The following MTCL3 variants were observed in gnomAD, a reference collection of about 807,000 sequenced individuals.
MTCL3 encodes MTCL family member 3.
chr6:127,516,796 A>T, the MTCL3 span: 15 of 1,056,008 alleles, frequency 1.4e-5, no homozygotes, highest in Non-Finnish European at 2.0e-5. Context: ...CGCTTAATAG[A>T]AGCTTTGACT....
At chr6:127,489,950 A>G in the MTCL3 span, among the ~76,000 whole-genome samples, 1 of 152,372 alleles carries the variant, frequency 6.6e-6, no homozygotes, top group East Asian at 1.9e-4. Context: ...ACAGCCTTCT[A>G]TTGGAAGAAG....
At chr6:127,479,567 C>T in the MTCL3 span, among the ~76,000 whole-genome samples, 2 of 152,132 alleles carry the variant, frequency 1.3e-5, no homozygotes, top group African/African-American at 2.4e-5. Flanking sequence ...AGCAGAATAA[C>T]ACTTCACTGG....
At chr6:127,509,822 C>A in the MTCL3 span, among the ~76,000 whole-genome samples, 1 of 152,308 alleles carries the variant, frequency 6.6e-6, no homozygotes, top group Non-Finnish European at 1.5e-5. Context: ...AATTGCAGCT[C>A]AGTTTTAATA....
At chr6:127,509,858 T>C in the MTCL3 span, among the ~76,000 whole-genome samples, 3 of 152,334 alleles carry the variant, frequency 2.0e-5, no homozygotes, top group East Asian at 5.8e-4. Flanking sequence ...CATCATAAAA[T>C]TACCATTGCA....
the MTCL3 span, among the ~76,000 whole-genome samples, chr6:127,514,404 G>A: frequency 1.3e-5 from 2 of 152,172 alleles, no homozygotes; most frequent in Non-Finnish European, 2.9e-5. Context: ...CCTATTTTGG[G>A]TTTCAACTCC....
the MTCL3 span, chr6:127,514,969 C>T: frequency 6.2e-7 from 1 of 1,614,176 alleles, no homozygotes; most frequent in Non-Finnish European, 8.5e-7. Flanking sequence ...TGGCGCATTT[C>T]CTGCAGTTGA....
At chr6:127,500,969 G>A in the MTCL3 span, among the ~76,000 whole-genome samples, 1 of 152,002 alleles carries the variant, frequency 6.6e-6, no homozygotes, top group Non-Finnish European at 1.5e-5. Flanking sequence ...GTGCCATCAC[G>A]CCTGGCTAAT....
chr6:127,515,913 G>A, the MTCL3 span: 1 of 1,611,230 alleles, frequency 6.2e-7, no homozygotes. The surrounding 1 kb of genome is among the most constrained non-coding windows in gnomAD (Gnocchi z 4.3). Flanking sequence ...CGCCGCTTCC[G>A]GAGTTTCTGC....
the MTCL3 span, among the ~76,000 whole-genome samples, chr6:127,503,130 G>A: frequency 6.6e-6 from 1 of 152,122 alleles, no homozygotes; most frequent in Admixed American, 6.5e-5. Context: ...TGTGGGTCAG[G>A]AAGAACATGA....
chr6:127,511,380 T>C, the MTCL3 span, among the ~76,000 whole-genome samples: 1 of 152,240 alleles, frequency 6.6e-6, no homozygotes, highest in Non-Finnish European at 1.5e-5. Flanking sequence ...CCTTCAACTG[T>C]ACATTATTGT....
At chr6:127,515,427 G>C in the MTCL3 span, 4 of 1,277,432 alleles carry the variant, frequency 3.1e-6, no homozygotes, top group Non-Finnish European at 4.1e-6. This position sits in a 1 kb window ranked among gnomAD's most constrained non-coding sequence, Gnocchi z 4.3. Context: ...TAACAGGTTA[G>C]CAGCCTCTGA....
At chr6:127,515,194 G>C in the MTCL3 span, 1 of 775,234 alleles carries the variant, frequency 1.3e-6, no homozygotes, top group Non-Finnish European at 2.1e-6. This position sits in a 1 kb window ranked among gnomAD's most constrained non-coding sequence, Gnocchi z 4.3. Flanking sequence ...GCTGAGTACA[G>C]AAGAGGAAAC....
chr6:127,502,316 T>C, the MTCL3 span, among the ~76,000 whole-genome samples: 1 of 152,222 alleles, frequency 6.6e-6, no homozygotes, highest in African/African-American at 2.4e-5. Context: ...AGCAGTAAGG[T>C]AGAAGAGAGA....
the MTCL3 span, among the ~76,000 whole-genome samples, chr6:127,491,562 T>C: frequency 6.6e-6 from 1 of 152,318 alleles, no homozygotes. Context: ...AACATAACTT[T>C]TACATGTACT....
chr6:127,516,320 C>A, the MTCL3 span: 1 of 1,592,284 alleles, frequency 6.3e-7, no homozygotes, highest in Non-Finnish European at 8.5e-7. Context: ...GCCCCACCTC[C>A]GCCTCCTCGG....
the MTCL3 span, chr6:127,515,475 T>C: frequency 1.4e-6 from 2 of 1,400,288 alleles, no homozygotes; most frequent in South Asian, 3.4e-5. This position sits in a 1 kb window ranked among gnomAD's most constrained non-coding sequence, Gnocchi z 4.3. Context: ...CCAGGCCCAC[T>C]CTTCCCATCC....
the MTCL3 span, among the ~76,000 whole-genome samples, chr6:127,514,664 C>T: frequency 1.3e-5 from 2 of 152,214 alleles, no homozygotes; most frequent in African/African-American, 2.4e-5. Context: ...CCAGTTCTCT[C>T]CCTTCTGAGA....
At chr6:127,482,868 C>CT in the MTCL3 span, 1 of 1,416,632 alleles carries the variant, frequency 7.1e-7, no homozygotes. This position sits in a 1 kb window ranked among gnomAD's most constrained non-coding sequence, Gnocchi z 4.1. Flanking sequence ...ATTATATACA[C>CT]TTAGAGGTAC....
At chr6:127,511,234 CAGAACTGT>C in the MTCL3 span, among the ~76,000 whole-genome samples, 54 of 152,178 alleles carry the variant, frequency 3.5e-4, no homozygotes, top group African/African-American at 1.2e-3. Context: ...TTCTAGACTG[CAGAACTGT>C]GAGATAATAC....
Sources: allele counts gnomAD v4.1 joint callset (sites outside exome capture counted in the v4.1 genomes callset), GRCh38; gene constraint gnomAD v4.1.1; non-coding constraint Gnocchi (gnomAD v3.1); transcripts MANE v1.5; gene names NCBI Gene and HGNC (gene_info 2026-07-23, HGNC 2026-07-21).